The following DSC2 variants were observed in gnomAD, a reference collection of about 807,000 sequenced individuals.
DSC2 encodes the protein desmocollin 2, also known as desmocollin-2.
A neutral mutation model predicts 87.6 loss-of-function variants in DSC2; 51 were observed. That is an observed-to-expected ratio of 0.58 (90% CI 0.46 to 0.74). The LOEUF (loss-of-function observed/expected upper bound fraction) is 0.74, where lower values mean the gene tolerates loss of function less well. Among genes scored for constraint, DSC2 ranks in the 30% least tolerant of loss-of-function variants. DSC2 has a pLI of 0.00. For missense variants in DSC2, 1,066 were observed against 1,089.5 expected, an observed-to-expected ratio of 0.98 and a Z score of 0.30; for synonymous variants, 383 against 393.2, an observed-to-expected ratio of 0.97 and a Z score of 0.31.
At chr18:31,093,843 T>G (rs1328633589) in intron 1 of DSC2, among the ~76,000 whole-genome samples, 200 bp from the exon 2 acceptor site, 1 of 149,678 alleles carries the variant, frequency 6.7e-6, no homozygotes, top group Non-Finnish European at 1.5e-5. Flanking sequence ...ATACATGAAT[T>G]TATATTTATA....
Position 31,060,101 on chromosome 18 carries a change from T to C in DSC2, c.*7914A>G, listed in dbSNP as rs1364455600. The stretch of plus-strand genomic sequence containing the variant: ...CATTGTCCTCAATTATGGTACATTG[T>C]ATCACAGTAATGGATCATACATCAT... On this transcript the variant is annotated 3_prime_UTR_variant, in exon 16 of 16. Coordinates refer to ENST00000280904, the MANE Select transcript of DSC2 (RefSeq NM_024422.6). The C allele has an allele frequency of 6.6e-6, 1 of 152,238 alleles. No individual in the cohort carries two copies. Among genetic ancestry groups the C allele is most frequent in the Non-Finnish European group, 1.5e-5 (1 of 68,044 alleles). The allele number at this position is 152,238 out of a possible 1,614,324, so 9.4% of individuals were successfully genotyped here.
intron 11 of DSC2, 77 bp downstream of exon 11, chr18:31,079,770 A>G: frequency 6.4e-7 from 1 of 1,562,400 alleles, no homozygotes; most frequent in Non-Finnish European, 8.8e-7. Context: ...CAGCTTTAAA[A>G]TGTATACTGT....
rs1003273166 is a variant in DSC2 at position 31,066,195 on chromosome 18, T to A, written c.*1820A>T. On this transcript the variant is annotated 3_prime_UTR_variant, in exon 16 of 16. Coordinates refer to ENST00000280904, the MANE Select transcript of DSC2 (RefSeq NM_024422.6). ...CTCACAGCCTTTAGAATAGTCATAT[T>A]ATATAAATATGGCAATAACAATGCA... The A allele has an allele frequency of 6.6e-6, 1 of 152,210 alleles. No homozygotes were observed. Among genetic ancestry groups the A allele is most frequent in the Non-Finnish European group, 1.5e-5 (1 of 68,034 alleles). 9.4% of individuals were successfully genotyped at this position (152,210 alleles called of 1,614,324 possible).
chr18:31,069,616 AAGGCAC>A (rs375423932), intron 14 of DSC2, among the ~76,000 whole-genome samples: 1 of 151,764 alleles, frequency 6.6e-6, no homozygotes, highest in African/African-American at 2.4e-5. Flanking sequence ...TCGGGAGGCT[AAGGCAC>A]AGGAATCGCT....
chr18:31,091,533 G>C (rs1987599618), intron 3 of DSC2: 4 of 460,502 alleles, frequency 8.7e-6, no homozygotes. Flanking sequence ...CCACTCACCA[G>C]CAACTAGGCA....
intron 1 of DSC2, among the ~76,000 whole-genome samples, chr18:31,098,689 A>C (rs1053983875): frequency 6.6e-6 from 1 of 152,162 alleles, no homozygotes. Context: ...TCCTGAGCTC[A>C]AGTGATCCTC....
At chr18:31,075,143 T>C (rs1986973944) in intron 11 of DSC2, among the ~76,000 whole-genome samples, 1 of 152,184 alleles carries the variant, frequency 6.6e-6, no homozygotes, top group South Asian at 2.1e-4. Context: ...AAATTATTAT[T>C]AGAGGCAAGT....
At chr18:31,090,753 A>G (rs1567982199) in intron 4 of DSC2, among the ~76,000 whole-genome samples, 4 of 152,130 alleles carry the variant, frequency 2.6e-5, no homozygotes, top group Admixed American at 2.0e-4. Context: ...TTTTCTAGCT[A>G]TTCTTAGGCT....
intron 1 of DSC2, 150 bp downstream of exon 1, chr18:31,101,753 C>T: frequency 2.8e-6 from 2 of 725,476 alleles, no homozygotes; most frequent in South Asian, 3.7e-5. Context: ...CTGCCCTCCC[C>T]CACCCCCGCC....
chr18:31,096,142 AG>A (rs1185791901), intron 1 of DSC2, among the ~76,000 whole-genome samples: 9 of 152,324 alleles, frequency 5.9e-5, no homozygotes, highest in African/African-American at 2.2e-4. Context: ...TGAATGTGAT[AG>A]ATCTGTCCAA....
Position 31,061,749 on chromosome 18 carries a change from CTTAAT to C in DSC2, c.*6261_*6265del, listed in dbSNP as rs1335458320. ...TGCAGCCTCATAATGTATCTATTTG[CTTAAT>C]TTAAAACATTTAAGCAAAAGTAATA... is the stretch of plus-strand genomic sequence containing the variant. On this transcript the variant is annotated 3_prime_UTR_variant, in exon 16 of 16. Coordinates refer to ENST00000280904, the MANE Select transcript of DSC2 (RefSeq NM_024422.6). 1 of 152,030 alleles carries C rather than the reference CTTAAT, an allele frequency of 6.6e-6. No homozygotes were observed. Among genetic ancestry groups the C allele is most frequent in the East Asian group, 1.9e-4 (1 of 5,194 alleles). 9.4% of individuals were successfully genotyped at this position (152,030 alleles called of 1,614,324 possible).
At position 31,080,289 on chromosome 18, in the gene DSC2, A is replaced by G; in HGVS notation, c.1327T>C (p.Phe443Leu). The change falls in exon 10 of 16, where the codon TTT (phenylalanine) becomes CTT (leucine). Residue 443 changes from phenylalanine to leucine, a missense_variant. Phe to Leu is a conservative substitution (Grantham distance 22, BLOSUM62 0). Transcript: ENST00000280904. ...GATCTTGGACTAGCCTCTCTGGAAA[A>G]TGGAGCTTCATTAACTACACCAATT... ...LQIGVVNEAP[F>L]SREASPRSAM... 6.2e-7 allele frequency: 1 copy of G among 1,614,076 alleles called. No individual in the cohort carries two copies. Among genetic ancestry groups the G allele is most frequent in the South Asian group, 1.1e-5 (1 of 91,088 alleles).
At chr18:31,071,493 C>T (rs755255492) in intron 13 of DSC2, 112 bp downstream of exon 13, 360 of 910,414 alleles carry the variant, frequency 4.0e-4, no homozygotes, top group Non-Finnish European at 5.8e-4. Context: ...CTGCAGTGAG[C>T]GGAGATCACA....
chr18:31,077,323 C>CT (rs758048561), intron 11 of DSC2, among the ~76,000 whole-genome samples: 6 of 152,236 alleles, frequency 3.9e-5, no homozygotes, highest in Non-Finnish European at 8.8e-5. Context: ...CTTGCTCTCT[C>CT]TGAAAATTGG....
intron 14 of DSC2, among the ~76,000 whole-genome samples, 171 bp from the exon 15 acceptor site, chr18:31,069,322 C>T (rs112698183): frequency 2.5e-4 from 38 of 152,152 alleles, no homozygotes; most frequent in Non-Finnish European, 4.9e-4. Context: ...ACTATGGAAA[C>T]CCCATAATTT....
Position 31,071,646 on chromosome 18 carries a change from C to T in DSC2, c.2084G>A (p.Trp695Ter), listed in dbSNP as rs963715928. ...GCCCAACAATATTGCAAGGATGGCC[C>T]ACTTTCCAAGTTGTACTCCTCCACC... Reference protein sequence around the residue: ...IGGGGVQLGKWAILAILLGIA... With the variant: ...IGGGGVQLGK The change falls in exon 13 of 16, where the codon TGG (tryptophan) becomes TAG (stop). Residue 695 changes from tryptophan (W) to a stop codon, truncating the protein, a stop_gained. Coordinates refer to ENST00000280904, the MANE Select transcript of DSC2 (RefSeq NM_024422.6). LOFTEE classifies it high-confidence loss of function. 4.3e-6 allele frequency: 7 copies of T among 1,614,094 alleles called. No homozygotes were observed. The South Asian group carries it at 7.7e-5, about 18-fold the overall frequency.
rs374946259 is a variant in DSC2, at chr18:31,080,370, T to C, written c.1264-18A>G. On this transcript the variant is annotated intron_variant, in intron 9 of 15. Transcript: ENST00000280904. Reference sequence around the variant, plus strand: ...TTCAAAGGCTACGAAAGCAAATGTATTGAAAAATCAGATGAACTCATTTAA... The same window carrying C: ...TTCAAAGGCTACGAAAGCAAATGTACTGAAAAATCAGATGAACTCATTTAA... 1.1e-5 allele frequency: 17 copies of C among 1,612,744 alleles called. No homozygotes were observed. The highest frequency in any genetic ancestry group is 1.7e-5 in the Admixed American group (1 of 59,976).
In DSC2 at chr18:31,087,762, G is replaced by C. The variant is rs765161525; in HGVS notation, c.682C>G (p.Pro228Ala). ...PDGYTPELPLPLIIKIEDEND... is the reference protein window; with the variant it reads ...PDGYTPELPLALIIKIEDEND... ...TCATCCTCTATTTTGATTATTAGGG[G>C]CAGTGGAAGTTCTGGAGTATACCCA... Residue 228 changes from proline to alanine, a missense_variant, in exon 6 of 16, where the codon CCC (proline) becomes GCC (alanine). By Grantham distance (27) the Pro-to-Ala change is conservative. Transcript: ENST00000280904. 12 of 1,613,726 alleles carry C rather than the reference G, an allele frequency of 7.4e-6. No individual in the cohort carries two copies. In the South Asian group the frequency reaches 1.3e-4, roughly 18 times the overall value.
In DSC2 at chr18:31,067,716, T is replaced by G. The variant is rs1223867273; in HGVS notation, c.*299A>C. ...AAGGACTTGAATTAATTACATTTTA[T>G]TGCACTATAAATTGGCTGTTGTCAT... On this transcript the variant is annotated 3_prime_UTR_variant, in exon 16 of 16. Coordinates refer to ENST00000280904, the MANE Select transcript of DSC2 (RefSeq NM_024422.6). 1 of 332,056 alleles carries G rather than the reference T, an allele frequency of 3.0e-6. No individual in the cohort carries two copies. The highest frequency in any genetic ancestry group is 3.3e-5 in the South Asian group (1 of 30,646). 20.6% of individuals were successfully genotyped at this position (332,056 alleles called of 1,614,324 possible). A position where few individuals can be genotyped will look rare whatever the true frequency, so the allele number is the denominator to read the frequency against.
Sources: allele counts gnomAD v4.1 joint callset (sites outside exome capture counted in the v4.1 genomes callset), GRCh38; gene constraint gnomAD v4.1.1; transcripts MANE v1.5; gene names NCBI Gene and HGNC (gene_info 2026-07-23, HGNC 2026-07-21).